The following RBM19 variants were observed in gnomAD, a reference collection of about 807,000 sequenced individuals.
The protein encoded by RBM19 is probable RNA-binding protein 19.
RBM19 carries 94 observed loss-of-function variants against 116.8 expected under a neutral mutation model. The observed-to-expected ratio is 0.80, with a 90% CI of 0.68 to 0.95. The LOEUF (loss-of-function observed/expected upper bound fraction) is 0.95. Ranked by LOEUF, RBM19 falls within the 40% of genes least tolerant of loss-of-function variation. The probability of loss-of-function intolerance (pLI) is 0.00; values close to 1 mark genes in which losing one functional copy is unlikely to be tolerated. For missense variants in RBM19, 1,161 were observed against 1,220.7 expected, an observed-to-expected ratio of 0.95 and a Z score of 0.73; for synonymous variants, 475 against 494.1, an observed-to-expected ratio of 0.96 and a Z score of 0.51.
chr12:113,929,292 T>C lies in RBM19; in HGVS notation c.2069-2063A>G, dbSNP rs1869397137. 1.3e-5 allele frequency among the ~76,000 whole-genome samples: 2 copies of C among 152,344 alleles called. 1 individual carries two copies. Among genetic ancestry groups the C allele is most frequent in the South Asian group, 4.1e-4 (2 of 4,824 alleles). ...TAATTAAGCTTCGACCACTTTGTCATAAAACAACCCTTTTAAGCCCTTACA... is the reference window on the plus strand; with the variant it reads ...TAATTAAGCTTCGACCACTTTGTCACAAAACAACCCTTTTAAGCCCTTACA... On this transcript the variant is annotated intron_variant, in intron 16 of 23. Coordinates refer to ENST00000261741, the MANE Select transcript of RBM19 (RefSeq NM_016196.4).
intron 16 of RBM19, among the ~76,000 whole-genome samples, chr12:113,936,134 C>G (rs1870041856): frequency 6.6e-6 from 1 of 151,650 alleles, no homozygotes; most frequent in South Asian, 2.1e-4. Context: ...AAAATGAGAA[C>G]AAAGGAGAGA....
chr12:113,817,248 C>A (rs148760265), downstream of RBM19: 2 of 152,280 alleles, frequency 1.3e-5, no homozygotes, highest in African/African-American at 4.8e-5. Context: ...ACAGAGCCTG[C>A]GTCCACGCAG....
At chr12:113,867,951 A>C (rs1878949614) in intron 21 of RBM19, among the ~76,000 whole-genome samples, 1 of 152,178 alleles carries the variant, frequency 6.6e-6, no homozygotes, top group Admixed American at 6.5e-5. Flanking sequence ...ATAAATAAAT[A>C]GGAAATGTAG....
At chr12:113,876,736 A>G (rs1879695692) in intron 21 of RBM19, among the ~76,000 whole-genome samples, 1 of 152,166 alleles carries the variant, frequency 6.6e-6, no homozygotes. Flanking sequence ...AGCTACAGTG[A>G]GCTGAGATCG....
chr12:113,955,845 G>T (rs1871894041), intron 6 of RBM19, among the ~76,000 whole-genome samples: 1 of 152,234 alleles, frequency 6.6e-6, no homozygotes, highest in Non-Finnish European at 1.5e-5. Context: ...GCGCTTGACC[G>T]TGGGGTGCTG....
In RBM19 at chr12:113,873,035, C is replaced by T. The variant is rs1879389805; in HGVS notation, c.2559-14139G>A. On this transcript the variant is annotated intron_variant, in intron 21 of 23. Transcript: ENST00000261741. Reference sequence around the variant, plus strand: ...TGAGGAGCCCCTCTGCCCGGCCAGCCGCCCCGTCCGGGAGGGAGGTTGGGG... The same window carrying T: ...TGAGGAGCCCCTCTGCCCGGCCAGCTGCCCCGTCCGGGAGGGAGGTTGGGG... Among the ~76,000 whole-genome samples, 10 of 118,352 alleles carry T rather than the reference C, an allele frequency of 8.4e-5. No individual in the cohort carries two copies. In the South Asian group the frequency reaches 1.3e-3, roughly 15 times the overall value. The allele number at this position is 118,352 out of a possible 152,430, so 77.6% of individuals were successfully genotyped here.
At position 113,825,104 on chromosome 12, in the gene RBM19, C is replaced by A. The variant is rs371271924; in HGVS notation, c.2786-1783G>T. 2.6e-5 allele frequency among the ~76,000 whole-genome samples: 4 copies of A among 152,378 alleles called. No homozygotes were observed. On this transcript the variant is annotated intron_variant, in intron 23 of 23. Coordinates refer to ENST00000261741, the MANE Select transcript of RBM19 (RefSeq NM_016196.4). The surrounding 1 kb of genome is among the most constrained non-coding windows in gnomAD (Gnocchi z 5.7). The stretch of plus-strand genomic sequence containing the variant: ...TTTGTGTGGGATGTTGTCTCACTCA[C>A]TGCTGTGTCCCTGGCCTTAGCACAC...
chr12:113,927,010 T>C (rs1170293738), intron 17 of RBM19, 44 bp downstream of exon 17: 3 of 1,563,176 alleles, frequency 1.9e-6, no homozygotes, highest in Non-Finnish European at 2.6e-6. Flanking sequence ...AGACTGGGGT[T>C]TCCCATCCCA....
At chr12:113,947,525 T>G (rs1871135696) in intron 10 of RBM19, 61 bp from the exon 11 acceptor site, 3 of 1,534,398 alleles carry the variant, frequency 2.0e-6, no homozygotes. Flanking sequence ...CAGGGAAGAA[T>G]GTGGTGAGCA....
chr12:113,938,909 C>T (rs918110184), intron 15 of RBM19, among the ~76,000 whole-genome samples: 1 of 152,144 alleles, frequency 6.6e-6, no homozygotes, highest in African/African-American at 2.4e-5. Flanking sequence ...CTGTGGCCTT[C>T]GGAACCGTGG....
intron 21 of RBM19, among the ~76,000 whole-genome samples, chr12:113,906,642 G>A (rs1408902558): frequency 3.3e-5 from 5 of 152,086 alleles, no homozygotes; most frequent in African/African-American, 1.2e-4. Flanking sequence ...GGCTGGTCCT[G>A]CCTCGTCGGG....
intron 21 of RBM19, among the ~76,000 whole-genome samples, chr12:113,899,577 C>T (rs968640147): frequency 6.6e-6 from 1 of 152,224 alleles, no homozygotes; most frequent in Admixed American, 6.5e-5. Context: ...TAAGCCAAAA[C>T]GGTTCCTTCC....
intron 21 of RBM19, among the ~76,000 whole-genome samples, chr12:113,877,877 T>G (rs1879784030): frequency 6.6e-6 from 1 of 152,128 alleles, no homozygotes; most frequent in Non-Finnish European, 1.5e-5. Flanking sequence ...GGGACAGCAA[T>G]TACCATTTTA....
At chr12:113,934,843 C>G (rs557905897) in intron 16 of RBM19, among the ~76,000 whole-genome samples, 1 of 145,866 alleles carries the variant, frequency 6.9e-6, no homozygotes, top group East Asian at 2.0e-4. Flanking sequence ...GTGCCAGAGC[C>G]TTGGGACACA....
In RBM19 at chr12:113,903,427, ATC is replaced by A. The variant is rs1350420215; in HGVS notation, c.2558+11540_2558+11541del. Among the ~76,000 whole-genome samples, 2 of 152,202 alleles carry A rather than the reference ATC, an allele frequency of 1.3e-5. No homozygotes were observed. Among genetic ancestry groups the A allele is most frequent in the African/African-American group, 4.8e-5 (2 of 41,448 alleles). ...TTTATCCACTCATCAGCTGACAGAC[ATC>A]TGTTTTTGTGTGAACGTGAGTTGTC... On this transcript the variant is annotated intron_variant, in intron 21 of 23. Transcript: ENST00000261741. The surrounding 1 kb of genome is among the most constrained non-coding windows in gnomAD (Gnocchi z 5.1).
At chr12:113,876,788 C>T (rs952727423) in intron 21 of RBM19, among the ~76,000 whole-genome samples, 4 of 146,778 alleles carry the variant, frequency 2.7e-5, no homozygotes, top group African/African-American at 9.9e-5. Context: ...GACCCTGTCT[C>T]CAAAAAAAAA....
intron 21 of RBM19, among the ~76,000 whole-genome samples, chr12:113,878,611 A>G (rs1293772957): frequency 6.7e-6 from 1 of 149,904 alleles, no homozygotes; most frequent in Non-Finnish European, 1.5e-5. Flanking sequence ...CCCAGAAGAA[A>G]GAGGTACATC....
intron 16 of RBM19, among the ~76,000 whole-genome samples, chr12:113,929,439 G>A (rs572505103): frequency 6.6e-6 from 1 of 152,208 alleles, no homozygotes; most frequent in African/African-American, 2.4e-5. Context: ...CTACACAAAG[G>A]CTCCTCCCCC....
intron 6 of RBM19, among the ~76,000 whole-genome samples, chr12:113,956,576 C>CAAAAAAAAAAAAAAAAAAAAAAA: frequency 1.5e-5 from 1 of 66,234 alleles, no homozygotes. Flanking sequence ...AAGACTGTCT[C>CAAAAAAAAAAAAAAAAAAAAAAA]AAAAAAAAAA....
Sources: allele counts gnomAD v4.1 joint callset (sites outside exome capture counted in the v4.1 genomes callset), GRCh38; gene constraint gnomAD v4.1.1; non-coding constraint Gnocchi (gnomAD v3.1); transcripts MANE v1.5; gene names NCBI Gene and HGNC (gene_info 2026-07-23, HGNC 2026-07-21).